The following PTPRD variants were observed in gnomAD, a reference collection of about 807,000 sequenced individuals.
PTPRD encodes protein tyrosine phosphatase receptor type D, also known as receptor-type tyrosine-protein phosphatase delta.
In PTPRD, 34 loss-of-function variants were observed where a neutral mutation model predicts 214.5. The observed-to-expected ratio is 0.16, with a 90% CI of 0.12 to 0.21. PTPRD has a LOEUF of 0.21. Among genes scored for constraint, PTPRD ranks in the 10% least tolerant of loss-of-function variants. The pLI is 1.00. For synonymous variants in PTPRD, 1,128 were observed against 845.7 expected (o/e 1.33, Z -5.79); for missense variants, 2,545 against 2,398.7 (o/e 1.06, Z -1.27).
intron 36 of PTPRD, among the ~76,000 whole-genome samples, chr9:8,402,600 C>G (rs2092541993): frequency 6.6e-6 from 1 of 151,972 alleles, no homozygotes; most frequent in Admixed American, 6.6e-5. Flanking sequence ...CTTGCTTTTG[C>G]TAATGGAAAA....
At chr9:8,842,201 T>A (rs2097572276) in intron 11 of PTPRD, among the ~76,000 whole-genome samples, 1 of 151,988 alleles carries the variant, frequency 6.6e-6, no homozygotes, top group Non-Finnish European at 1.5e-5. Flanking sequence ...CAGAAATTTA[T>A]AATGTGAAAG....
At chr9:9,358,261 A>T (rs926424547) in intron 9 of PTPRD, among the ~76,000 whole-genome samples, 2 of 151,328 alleles carry the variant, frequency 1.3e-5, no homozygotes, top group Non-Finnish European at 3.0e-5. Flanking sequence ...TTAAAAATAT[A>T]GACCAAAATT....
chr9:9,117,315 G>T (rs192227474), intron 10 of PTPRD, among the ~76,000 whole-genome samples: 1 of 150,390 alleles, frequency 6.6e-6, no homozygotes, highest in Admixed American at 6.7e-5. Flanking sequence ...GTAAAACATA[G>T]CTCCATTGTG....
chr9:9,998,121 A>ATATATATAT (rs1326721044), intron 4 of PTPRD, among the ~76,000 whole-genome samples: 2 of 50,244 alleles, frequency 4.0e-5, no homozygotes, highest in South Asian at 5.3e-4. Context: ...ATAATAAAAA[A>ATATATATAT]AAAAAAAAAT....
chr9:8,389,409 T>G lies in PTPRD; in HGVS notation c.4211-2A>C. 6.2e-7 allele frequency: 1 copy of G among 1,604,410 alleles called. No individual in the cohort carries two copies. Among genetic ancestry groups the G allele is most frequent in the Admixed American group, 1.7e-5 (1 of 58,988 alleles). ...TCACATAGTCACTTCCTGGGATCCC[T>G]GGAAAACAAGGAGTGTTATTCAACC... On this transcript the variant is annotated splice_acceptor_variant, in intron 36 of 45. Coordinates refer to ENST00000381196, the MANE Select transcript of PTPRD (RefSeq NM_002839.4). LOFTEE classifies it high-confidence loss of function.
chr9:9,427,760 A>C (rs1157953364), intron 8 of PTPRD, among the ~76,000 whole-genome samples: 1 of 152,210 alleles, frequency 6.6e-6, no homozygotes, highest in East Asian at 1.9e-4. Context: ...CCACTACTCA[A>C]CATGCTTAAA....
chr9:10,503,845 G>A (rs1350148656), intron 2 of PTPRD, among the ~76,000 whole-genome samples: 1 of 151,716 alleles, frequency 6.6e-6, no homozygotes, highest in Non-Finnish European at 1.5e-5. Context: ...GGCTGGGCGC[G>A]GGGGCTCACA....
chr9:9,946,691 A>T (rs2092607925), intron 4 of PTPRD, among the ~76,000 whole-genome samples: 1 of 152,098 alleles, frequency 6.6e-6, no homozygotes, highest in African/African-American at 2.4e-5. Context: ...CAGAGGAAAA[A>T]CTGGGAACTA....
intron 7 of PTPRD, among the ~76,000 whole-genome samples, chr9:9,718,937 T>C (rs1185104331): frequency 1.3e-5 from 2 of 152,070 alleles, no homozygotes; most frequent in African/African-American, 2.4e-5. Context: ...GGTTCCTAAG[T>C]GGGAAGCTGT....
chr9:9,345,025 T>C (rs935001016), intron 9 of PTPRD, among the ~76,000 whole-genome samples: 11 of 152,096 alleles, frequency 7.2e-5, no homozygotes, highest in African/African-American at 7.2e-5. Context: ...AGAAGTCATA[T>C]ATTTGAAGTT....
chr9:9,143,923 T>C (rs2099864280), intron 10 of PTPRD, among the ~76,000 whole-genome samples: 1 of 152,182 alleles, frequency 6.6e-6, no homozygotes, highest in Non-Finnish European at 1.5e-5. Context: ...TTTTGTGAGG[T>C]TTTCTCATGT....
In PTPRD at chr9:9,684,859, T is replaced by C. The variant is rs1197199215; in HGVS notation, c.-287+49674A>G. Among the ~76,000 whole-genome samples, 4 of 151,600 alleles carry C rather than the reference T, an allele frequency of 2.6e-5. No homozygotes were observed. In the East Asian group the frequency reaches 7.8e-4, roughly 29 times the overall value. On this transcript the variant is annotated intron_variant, in intron 7 of 45. Transcript: ENST00000381196. ...AAGTCACACTACTTAGATTCCAATA[T>C]TTTATCTGTCATTTATTATTGATCC...
intron 2 of PTPRD, among the ~76,000 whole-genome samples, chr9:10,607,748 T>G (rs1302160235): frequency 1.3e-5 from 2 of 151,962 alleles, no homozygotes; most frequent in Non-Finnish European, 2.9e-5. Context: ...GAAAAATAAA[T>G]TATTGGTTTT....
chr9:8,733,937 C>G lies in PTPRD; in HGVS notation c.-94G>C. The stretch of plus-strand genomic sequence containing the variant: ...CCGATCTGAAATTTCAGCTGGAACA[C>G]TTTCAGAGCCTGAAAGCGGGGAGGA... On this transcript the variant is annotated 5_prime_UTR_variant, in exon 12 of 46. Transcript: ENST00000381196. 1.6e-6 allele frequency: 2 copies of G among 1,250,890 alleles called. No homozygotes were observed. Among genetic ancestry groups the G allele is most frequent in the South Asian group, 2.6e-5 (2 of 77,486 alleles). 77.5% of individuals were successfully genotyped at this position (1,250,890 alleles called of 1,614,324 possible). A position where few individuals can be genotyped will look rare whatever the true frequency, so the allele number is the denominator to read the frequency against.
At chr9:9,144,202 G>T (rs559592987) in intron 10 of PTPRD, among the ~76,000 whole-genome samples, 4 of 152,286 alleles carry the variant, frequency 2.6e-5, no homozygotes, top group African/African-American at 7.2e-5. Context: ...TGCTATTTCT[G>T]CTCTGTGACA....
chr9:9,165,455 G>T (rs537255366), intron 10 of PTPRD, among the ~76,000 whole-genome samples: 1 of 152,272 alleles, frequency 6.6e-6, no homozygotes, highest in South Asian at 2.1e-4. Flanking sequence ...AATTAGAGCG[G>T]CAAAGCCATT....
At chr9:9,242,775 G>A (rs150260498) in intron 9 of PTPRD, among the ~76,000 whole-genome samples, 49 of 152,020 alleles carry the variant, frequency 3.2e-4, no homozygotes, top group East Asian at 1.6e-3. Context: ...ACTTCTTTCC[G>A]ATGGTTTCAA....
At chr9:9,430,261 G>T (rs913976217) in intron 8 of PTPRD, among the ~76,000 whole-genome samples, 2 of 151,972 alleles carry the variant, frequency 1.3e-5, no homozygotes, top group Admixed American at 1.3e-4. Context: ...ACCAATAACA[G>T]ACAAACAGAG....
At chr9:10,208,486 C>G (rs865802749) in intron 3 of PTPRD, among the ~76,000 whole-genome samples, 1 of 152,320 alleles carries the variant, frequency 6.6e-6, no homozygotes, top group East Asian at 1.9e-4. Context: ...TGCACTCCAG[C>G]CTGGGCGACA....
Sources: allele counts gnomAD v4.1 joint callset (sites outside exome capture counted in the v4.1 genomes callset), GRCh38; gene constraint gnomAD v4.1.1; transcripts MANE v1.5; gene names NCBI Gene and HGNC (gene_info 2026-07-23, HGNC 2026-07-21).